Variants in RNF180 observed in about 807,000 individuals in gnomAD.
RNF180 encodes the protein E3 ubiquitin-protein ligase RNF180.
Under a neutral mutation model 59.2 loss-of-function variants are expected in RNF180, and 38 were observed. The ratio of observed to expected loss-of-function variants is 0.64; its 90% CI spans 0.50 to 0.84. The LOEUF is 0.84. Among genes scored for constraint, RNF180 ranks in the 40% least tolerant of loss-of-function variants. The pLI is 0.00. For missense variants in RNF180, 705 were observed against 700.9 expected, an observed-to-expected ratio of 1.01 and a Z score of -0.07; for synonymous variants, 262 against 240.3, an observed-to-expected ratio of 1.09 and a Z score of -0.84.
chr5:64,304,348 G>A lies in RNF180; in HGVS notation c.1228-20838G>A, dbSNP rs2886681. On this transcript the variant is annotated intron_variant, in intron 5 of 7. Transcript: ENST00000389100. ...TAAGGCTATAGCTGCCATAGATAGT[G>A]ATGCCTGTGATGGATCTGGGCAAAG... Among the ~76,000 whole-genome samples, 1,116 of 151,688 alleles carry A rather than the reference G, an allele frequency of 7.4e-3. 61 individuals carry two copies. Among genetic ancestry groups the A allele is most frequent in the Admixed American group, 0.066 (1,003 of 15,164 alleles).
intron 7 of RNF180, among the ~76,000 whole-genome samples, chr5:64,366,522 GAT>G (rs1746454081): frequency 1.3e-5 from 2 of 151,478 alleles, no homozygotes; most frequent in South Asian, 2.1e-4. Flanking sequence ...TCTCGTGGAT[GAT>G]CTCCTGTAAT....
At chr5:64,324,747 A>G (rs1167748485) in intron 5 of RNF180, among the ~76,000 whole-genome samples, 1 of 152,224 alleles carries the variant, frequency 6.6e-6, no homozygotes, top group Non-Finnish European at 1.5e-5. Context: ...CACACGCAGT[A>G]TGAGAATGAA....
chr5:64,268,977 C>A (rs1744849875), intron 5 of RNF180, among the ~76,000 whole-genome samples: 2 of 152,126 alleles, frequency 1.3e-5, no homozygotes, highest in South Asian at 4.1e-4. Flanking sequence ...TCTAATGTCT[C>A]TACCTTTTGT....
chr5:64,356,803 T>C (rs1014780808), intron 7 of RNF180, among the ~76,000 whole-genome samples: 29 of 151,612 alleles, frequency 1.9e-4, no homozygotes, highest in Non-Finnish European at 2.4e-4. Flanking sequence ...GAAAGCAGAA[T>C]AGAGATTACC....
intron 5 of RNF180, among the ~76,000 whole-genome samples, chr5:64,250,955 C>T (rs1235646374): frequency 1.3e-5 from 2 of 152,002 alleles, no homozygotes; most frequent in African/African-American, 4.8e-5. Flanking sequence ...TGCAAAAATC[C>T]TCAGTAAAAT....
intron 7 of RNF180, among the ~76,000 whole-genome samples, chr5:64,332,037 G>C (rs566986393): frequency 6.6e-6 from 1 of 152,160 alleles, no homozygotes; most frequent in Admixed American, 6.5e-5. Context: ...GCTGTGCACA[G>C]TGGCTGGACC....
intron 5 of RNF180, among the ~76,000 whole-genome samples, chr5:64,224,880 C>T (rs943396397): frequency 8.5e-5 from 13 of 152,184 alleles, no homozygotes; most frequent in Non-Finnish European, 1.2e-4. Flanking sequence ...ATACAGTGTT[C>T]GGCTAGCTTG....
At chr5:64,189,859 A>G (rs1751049126) in intron 1 of RNF180, among the ~76,000 whole-genome samples, 1 of 152,230 alleles carries the variant, frequency 6.6e-6, no homozygotes, top group Non-Finnish European at 1.5e-5. Context: ...AAGACAGGAC[A>G]AAATAAAGGA....
At chr5:64,369,130 A>G (rs1479540570) in intron 7 of RNF180, among the ~76,000 whole-genome samples, 3 of 152,208 alleles carry the variant, frequency 2.0e-5, no homozygotes, top group East Asian at 3.9e-4. Context: ...CTATGCAGCC[A>G]TAAAAAATGA....
chr5:64,193,360 TGTG>T (rs1224657641), intron 1 of RNF180, among the ~76,000 whole-genome samples: 2 of 152,142 alleles, frequency 1.3e-5, no homozygotes, highest in Admixed American at 1.3e-4. Flanking sequence ...GTACCTTGAT[TGTG>T]GTGGTAGAAT....
chr5:64,173,654 T>G (rs1440120174), intron 1 of RNF180, among the ~76,000 whole-genome samples: 2 of 151,344 alleles, frequency 1.3e-5, no homozygotes, highest in African/African-American at 4.9e-5. Flanking sequence ...TTTCCCTCTC[T>G]CCCCTTTTCT....
At chr5:64,369,231 G>A (rs1746566053) in intron 7 of RNF180, among the ~76,000 whole-genome samples, 1 of 151,914 alleles carries the variant, frequency 6.6e-6, no homozygotes, top group Non-Finnish European at 1.5e-5. Context: ...AACACCGCAT[G>A]TTCTCACTTA....
chr5:64,219,122 A>G (rs1338117349), intron 5 of RNF180, among the ~76,000 whole-genome samples: 1 of 152,146 alleles, frequency 6.6e-6, no homozygotes, highest in Non-Finnish European at 1.5e-5. Context: ...TGTCAGTTGT[A>G]TGCTCTTTTT....
chr5:64,183,622 ATT>A lies in RNF180; in HGVS notation c.1-17182_1-17181del, dbSNP rs561810198. Among the ~76,000 whole-genome samples, 517 of 151,740 alleles carry A rather than the reference ATT, an allele frequency of 3.4e-3. 2 individuals carry two copies. The highest frequency in any genetic ancestry group is 0.011 in the African/African-American group (470 of 41,378). ...GCCACCACACCTGGCTAATTTTTGT[ATT>A]TTTAGTAGAGATAAGGTTTCACCTT... On this transcript the variant is annotated intron_variant, in intron 1 of 7. Transcript: ENST00000389100.
chr5:64,203,707 T>C (rs1223954798), intron 2 of RNF180, among the ~76,000 whole-genome samples: 2 of 152,038 alleles, frequency 1.3e-5, no homozygotes, highest in African/African-American at 2.4e-5. Context: ...TAATTCAATA[T>C]CATGGTTAAG....
At chr5:64,299,091 A>G (rs955600782) in intron 5 of RNF180, among the ~76,000 whole-genome samples, 1 of 151,914 alleles carries the variant, frequency 6.6e-6, no homozygotes, top group Non-Finnish European at 1.5e-5. Context: ...GGACCAAGAG[A>G]GCTCCCTTGT....
At chr5:64,339,014 TTA>T (rs1483953506) in intron 7 of RNF180, among the ~76,000 whole-genome samples, 2 of 152,092 alleles carry the variant, frequency 1.3e-5, no homozygotes, top group Non-Finnish European at 2.9e-5. Context: ...CTTCCTAAGT[TTA>T]TATATCTTTT....
chr5:64,216,945 A>G (rs1752664397), intron 4 of RNF180, among the ~76,000 whole-genome samples: 1 of 152,190 alleles, frequency 6.6e-6, no homozygotes, highest in Non-Finnish European at 1.5e-5. Flanking sequence ...CATACAGAAC[A>G]TTTTGATCAC....
At position 64,356,255 on chromosome 5, in the gene RNF180, A is replaced by G. The variant is rs146061092; in HGVS notation, c.1580-13360A>G. The stretch of plus-strand genomic sequence containing the variant: ...ACAGCCTGGCTGACAGAGTGAGACC[A>G]TCTCAAAAAAAAAAATAAATGTGGT... On this transcript the variant is annotated intron_variant, in intron 7 of 7. Transcript: ENST00000389100. Among the ~76,000 whole-genome samples the G allele has an allele frequency of 3.9e-3, 589 of 151,460 alleles. 3 individuals are homozygous for G. Among genetic ancestry groups the G allele is most frequent in the African/African-American group, 0.014 (574 of 41,418 alleles).
Sources: gnomAD v4.1 joint callset for allele counts (sites outside exome capture counted in the v4.1 genomes callset) on GRCh38, gnomAD v4.1.1 for gene constraint, MANE v1.5 for transcripts, NCBI Gene and HGNC (gene_info 2026-07-23, HGNC 2026-07-21) for gene names.